Variants in ITGB1 observed in about 807,000 individuals in gnomAD.
ITGB1 encodes the protein integrin subunit beta 1, also known as integrin beta-1.
ITGB1 carries 24 observed loss-of-function variants against 86.5 expected under a neutral mutation model. That is an observed-to-expected ratio of 0.28 (90% CI 0.20 to 0.39). The LOEUF (loss-of-function observed/expected upper bound fraction) is 0.39, where lower values mean the gene tolerates loss of function less well. Among genes scored for constraint, ITGB1 ranks in the 10% least tolerant of loss-of-function variants. The probability of loss-of-function intolerance (pLI) is 1.00; values close to 1 mark genes in which losing one functional copy is unlikely to be tolerated. For synonymous variants in ITGB1, 323 were observed against 316.8 expected (o/e 1.02, Z -0.21); for missense variants, 556 against 946.9 (o/e 0.59, Z 5.42).
intron 5 of ITGB1, among the ~76,000 whole-genome samples, chr10:32,927,415 G>C (rs914269513): frequency 1.3e-5 from 2 of 152,182 alleles, no homozygotes; most frequent in Non-Finnish European, 2.9e-5. Flanking sequence ...CCAGGTCTAA[G>C]ATGAGATCAG....
At chr10:32,917,974 G>A (rs1401957860) in intron 11 of ITGB1, among the ~76,000 whole-genome samples, 2 of 152,174 alleles carry the variant, frequency 1.3e-5, no homozygotes, top group Admixed American at 1.3e-4. Flanking sequence ...ACTGGATTAA[G>A]AAAATGTGGC....
chr10:32,920,454 G>C, intron 9 of ITGB1, 69 bp from the exon 10 acceptor site: 1 of 1,363,866 alleles, frequency 7.3e-7, no homozygotes, highest in Non-Finnish European at 1.0e-6. Flanking sequence ...AAAACCAATG[G>C]ATAAACTGCT....
At chr10:32,939,681 A>C (rs1286638219) in intron 1 of ITGB1, among the ~76,000 whole-genome samples, 1 of 152,134 alleles carries the variant, frequency 6.6e-6, no homozygotes, top group Non-Finnish European at 1.5e-5. Flanking sequence ...CCATGAATAT[A>C]GCTTGCAGGA....
chr10:32,944,347 G>T (rs970923795), intron 1 of ITGB1: 4 of 218,800 alleles, frequency 1.8e-5, no homozygotes, highest in Non-Finnish European at 3.6e-5. Context: ...TAAGTTCACA[G>T]GCTGGGCCAA....
Position 32,958,146 on chromosome 10 carries a change from T to A in ITGB1, c.-2A>T, listed in dbSNP as rs1426879189. ...CACCCGAGGCCCGCCGGCCCCTACCTTTTCCGCGCGGCGTCCGGGGCCCGG... is the reference window on the plus strand; with the variant it reads ...CACCCGAGGCCCGCCGGCCCCTACCATTTCCGCGCGGCGTCCGGGGCCCGG... On this transcript the variant is annotated splice_region_variant and 5_prime_UTR_variant, in exon 1 of 16. In the 5' UTR this introduces an upstream ATG that the reference lacks. Transcript: ENST00000302278. 8 of 148,734 alleles carry A rather than the reference T, an allele frequency of 5.4e-5. No individual in the cohort carries two copies. Among genetic ancestry groups the A allele is most frequent in the Admixed American group, 5.3e-4 (8 of 15,038 alleles). 9.2% of individuals were successfully genotyped at this position (148,734 alleles called of 1,614,324 possible).
intron 1 of ITGB1, among the ~76,000 whole-genome samples, chr10:32,951,121 A>G (rs2095041822): frequency 6.6e-6 from 1 of 152,232 alleles, no homozygotes; most frequent in African/African-American, 2.4e-5. Context: ...GAAGTCAGTG[A>G]AGAATCTTCT....
At chr10:32,907,441 C>G (rs1203705937) in intron 15 of ITGB1, among the ~76,000 whole-genome samples, 1 of 152,146 alleles carries the variant, frequency 6.6e-6, no homozygotes, top group Non-Finnish European at 1.5e-5. Context: ...GCACTCAATG[C>G]TAACATAACC....
At chr10:32,950,544 C>T (rs1255584040) in intron 1 of ITGB1, among the ~76,000 whole-genome samples, 1 of 151,632 alleles carries the variant, frequency 6.6e-6, no homozygotes, top group Non-Finnish European at 1.5e-5. Flanking sequence ...AACAAAACTT[C>T]GCAGAAAGAA....
chr10:32,927,687 G>A (rs779841241), intron 5 of ITGB1, among the ~76,000 whole-genome samples: 1 of 152,084 alleles, frequency 6.6e-6, no homozygotes, highest in Non-Finnish European at 1.5e-5. Context: ...CCAGCTACTC[G>A]GGAGGCTGTG....
At chr10:32,910,975 G>C (rs2094911507) in intron 13 of ITGB1, among the ~76,000 whole-genome samples, 1 of 152,128 alleles carries the variant, frequency 6.6e-6, no homozygotes, top group Non-Finnish European at 1.5e-5. Context: ...CTGACCTTAA[G>C]TGATCCACCT....
At chr10:32,957,683 G>C (rs1004398374) in intron 1 of ITGB1, 3 of 152,384 alleles carry the variant, frequency 2.0e-5, no homozygotes, top group Admixed American at 2.0e-4. Flanking sequence ...GGGAGCGAGA[G>C]ACAAAGGCAC....
chr10:32,952,507 T>C (rs1390331278), intron 1 of ITGB1, among the ~76,000 whole-genome samples: 2 of 152,106 alleles, frequency 1.3e-5, no homozygotes, highest in Non-Finnish European at 2.9e-5. Context: ...GAAATCATAA[T>C]ATGAAGAAAA....
intron 3 of ITGB1, among the ~76,000 whole-genome samples, chr10:32,931,459 TATTGTAACAATAGATAAA>T (rs2094983070): frequency 6.6e-6 from 1 of 152,138 alleles, no homozygotes; most frequent in South Asian, 2.1e-4. Context: ...CAATTCTAAT[TATTGTAACAATAGATAAA>T]GCGGATATTA....
chr10:32,954,162 G>T (rs923353009), intron 1 of ITGB1, among the ~76,000 whole-genome samples: 1 of 151,654 alleles, frequency 6.6e-6, no homozygotes, highest in East Asian at 1.9e-4. Flanking sequence ...CTCTCAATCT[G>T]TGTATTCAAC....
At chr10:32,903,835 G>C (rs1194147519) in intron 15 of ITGB1, among the ~76,000 whole-genome samples, 1 of 152,106 alleles carries the variant, frequency 6.6e-6, no homozygotes, top group African/African-American at 2.4e-5. Context: ...TAAAAAGCCA[G>C]AGTGCAAATA....
intron 8 of ITGB1, 28 bp downstream of exon 8, chr10:32,922,612 T>G: frequency 7.4e-7 from 1 of 1,354,996 alleles, no homozygotes; most frequent in Non-Finnish European, 1.0e-6. Flanking sequence ...ATGTTTAGAA[T>G]CTTGTTCTTT....
At chr10:32,922,536 G>C in intron 8 of ITGB1, 104 bp downstream of exon 8, 1 of 802,798 alleles carries the variant, frequency 1.2e-6, no homozygotes, top group South Asian at 1.8e-5. Flanking sequence ...GTAAAATTCG[G>C]TTTGCCTATC....
At chr10:32,950,270 G>T (rs932286299) in intron 1 of ITGB1, among the ~76,000 whole-genome samples, 1 of 152,130 alleles carries the variant, frequency 6.6e-6, no homozygotes, top group East Asian at 1.9e-4. Context: ...AAAGACATGA[G>T]GTTCCTCCCA....
rs139673287 is a variant in ITGB1 at position 32,910,414 on chromosome 10, T to C, written c.1973A>G (p.Lys658Arg). 5.0e-5 allele frequency: 80 copies of C among 1,601,036 alleles called. No individual in the cohort carries two copies. The African/African-American group carries it at 7.3e-4, about 15-fold the overall frequency. ...GGAACATTCCTGTGTGCATGTGTCTTTCTTTTCTCCTTTATTGAAGGCTCT... is the reference window on the plus strand; with the variant it reads ...GGAACATTCCTGTGTGCATGTGTCTCTCTTTTCTCCTTTATTGAAGGCTCT... The part of the protein sequence containing the change: ...QCRAFNKGEK[K>R]DTCTQECSYF... Residue 658 changes from lysine (K) to arginine (R), a missense_variant, in exon 14 of 16, where the codon AAA (lysine) becomes AGA (arginine). Physicochemically the swap from Lys to Arg is conservative, Grantham distance 26 (BLOSUM62 2). Around this residue, in one of 4 missense-constraint regions of ITGB1, gnomAD observed 330 missense variants for 531.5 expected, o/e 0.62. Transcript: ENST00000302278.
Sources: gnomAD v4.1 joint callset for allele counts (sites outside exome capture counted in the v4.1 genomes callset) on GRCh38, gnomAD v4.1.1 for gene constraint, gnomAD v4.1.1 regional missense constraint, MANE v1.5 for transcripts, NCBI Gene and HGNC (gene_info 2026-07-23, HGNC 2026-07-21) for gene names.